Variants in PCDH15 observed in about 807,000 individuals in gnomAD.
PCDH15 encodes protocadherin-15.
In PCDH15, 129 loss-of-function variants were observed where a neutral mutation model predicts 178.5. The observed-to-expected ratio is 0.72, with a 90% CI of 0.63 to 0.84. The LOEUF (loss-of-function observed/expected upper bound fraction) is 0.84. Ranked by LOEUF, PCDH15 falls within the 40% of genes least tolerant of loss-of-function variation. The pLI is 0.00. For synonymous variants in PCDH15, 800 were observed against 732.0 expected (o/e 1.09, Z -1.50); for missense variants, 2,230 against 2,099.9 (o/e 1.06, Z -1.21).
intron 37 of PCDH15, chr10:53,808,398 C>A: frequency 2.8e-6 from 3 of 1,067,810 alleles, no homozygotes; most frequent in East Asian, 1.3e-4. Context: ...ATACATAATG[C>A]CACATTGCAT....
chr10:55,223,914 C>T (rs1564907516), intron 1 of PCDH15, among the ~76,000 whole-genome samples: 1 of 152,080 alleles, frequency 6.6e-6, no homozygotes, highest in African/African-American at 2.4e-5. Context: ...TACTGAAGCA[C>T]ATACCCTCTA....
At chr10:53,837,669 G>A (rs770170869) in intron 29 of PCDH15, among the ~76,000 whole-genome samples, 1 of 151,946 alleles carries the variant, frequency 6.6e-6, no homozygotes, top group Non-Finnish European at 1.5e-5. Context: ...TTTATGCAGT[G>A]TTAAAAACTA....
At chr10:53,934,017 G>A (rs2134007038) in intron 25 of PCDH15, among the ~76,000 whole-genome samples, 1 of 152,154 alleles carries the variant, frequency 6.6e-6, no homozygotes, top group African/African-American at 2.4e-5. Flanking sequence ...TTTTTGATGG[G>A]GTTGTTTGTT....
At chr10:54,702,420 AT>A (rs1382840411) in intron 1 of PCDH15, among the ~76,000 whole-genome samples, 1 of 151,746 alleles carries the variant, frequency 6.6e-6, no homozygotes, top group Non-Finnish European at 1.5e-5. Flanking sequence ...AGATCAACAA[AT>A]TTAGTGGTTG....
At chr10:54,645,867 C>T (rs1173141153) in intron 2 of PCDH15, among the ~76,000 whole-genome samples, 1 of 152,036 alleles carries the variant, frequency 6.6e-6, no homozygotes, top group Non-Finnish European at 1.5e-5. Flanking sequence ...AATTTTCTTG[C>T]ATAACATTAG....
At chr10:53,809,358 G>A (rs1222221822) in intron 37 of PCDH15, 4 of 1,613,828 alleles carry the variant, frequency 2.5e-6, no homozygotes, top group Non-Finnish European at 3.4e-6. Flanking sequence ...CACCCTCAAG[G>A]TCAACGATTC....
chr10:55,561,288 G>C (rs1054368128), intron 2 of PCDH15, among the ~76,000 whole-genome samples: 4 of 151,770 alleles, frequency 2.6e-5, no homozygotes, highest in African/African-American at 9.7e-5. Flanking sequence ...ACAGGCTACA[G>C]TTTTCAAAAC....
intron 21 of PCDH15, among the ~76,000 whole-genome samples, chr10:53,991,372 C>A (rs1284989489): frequency 6.6e-6 from 1 of 152,062 alleles, no homozygotes; most frequent in African/African-American, 2.4e-5. Flanking sequence ...CGTGGATGCA[C>A]CAATCAGCAC....
chr10:54,392,165 A>T (rs1294299793), intron 3 of PCDH15, among the ~76,000 whole-genome samples: 15 of 151,302 alleles, frequency 9.9e-5, no homozygotes, highest in South Asian at 6.3e-4. Context: ...AGTTTAATTT[A>T]AAAAAAAGTA....
intron 24 of PCDH15, among the ~76,000 whole-genome samples, chr10:53,939,222 T>C (rs754014135): frequency 1.1e-4 from 17 of 152,220 alleles, no homozygotes; most frequent in Middle Eastern, 6.8e-3. Flanking sequence ...AGTTCTATGG[T>C]CAATTACATT....
At chr10:54,143,399 C>T (rs2043584543) in intron 14 of PCDH15, among the ~76,000 whole-genome samples, 1 of 152,058 alleles carries the variant, frequency 6.6e-6, no homozygotes, top group African/African-American at 2.4e-5. Context: ...TATTGTTTTG[C>T]TTTGATCCTT....
chr10:53,821,085 A>C (rs1385479721), intron 32 of PCDH15: 112 of 972,318 alleles, frequency 1.2e-4, no homozygotes, highest in Non-Finnish European at 1.3e-4. Context: ...GAACAATGAA[A>C]TGCCTTACAA....
intron 1 of PCDH15, among the ~76,000 whole-genome samples, chr10:54,671,625 G>C (rs896231807): frequency 6.6e-6 from 1 of 152,096 alleles, no homozygotes; most frequent in African/African-American, 2.4e-5. Context: ...AAAAATAAAA[G>C]TTAAGAATAT....
chr10:55,554,790 G>A (rs541007070), intron 2 of PCDH15, among the ~76,000 whole-genome samples: 2 of 152,078 alleles, frequency 1.3e-5, no homozygotes, highest in South Asian at 2.1e-4. Flanking sequence ...TCTACCTAAT[G>A]TCCTTTTATG....
chr10:53,824,991 G>T (rs959125948), intron 32 of PCDH15: 5 of 1,037,594 alleles, frequency 4.8e-6, no homozygotes, highest in Non-Finnish European at 3.7e-6. Context: ...AATTGGGTGT[G>T]GAAGACAAAA....
intron 2 of PCDH15, among the ~76,000 whole-genome samples, chr10:55,536,406 T>C (rs1404555722): frequency 6.6e-6 from 1 of 152,148 alleles, no homozygotes; most frequent in Non-Finnish European, 1.5e-5. Flanking sequence ...CAAAGAATTC[T>C]TTCAATATGT....
chr10:54,210,653 C>T (rs2051329643), intron 10 of PCDH15, among the ~76,000 whole-genome samples: 1 of 151,918 alleles, frequency 6.6e-6, no homozygotes, highest in African/African-American at 2.4e-5. Flanking sequence ...GGGAGAGTAT[C>T]TCTAAATGCT....
At chr10:53,917,610 A>T (rs74712102) in intron 25 of PCDH15, among the ~76,000 whole-genome samples, 1 of 152,200 alleles carries the variant, frequency 6.6e-6, no homozygotes, top group South Asian at 2.1e-4. Context: ...ACAGACACAC[A>T]CACAACAGAT....
intron 3 of PCDH15, among the ~76,000 whole-genome samples, chr10:54,871,426 AG>A (rs1470958395): frequency 9.9e-6 from 1 of 100,614 alleles, no homozygotes; most frequent in Non-Finnish European, 2.1e-5. Flanking sequence ...GAAGTCTGAG[AG>A]GAAAAAAAAA....
Sources: gnomAD v4.1 joint callset for allele counts (sites outside exome capture counted in the v4.1 genomes callset) on GRCh38, gnomAD v4.1.1 for gene constraint, MANE v1.5 for transcripts, NCBI Gene and HGNC (gene_info 2026-07-23, HGNC 2026-07-21) for gene names.